ASB5: variants seen among roughly 807,000 people sequenced by gnomAD.
ASB5 encodes the protein ankyrin repeat and SOCS box containing 5, also known as ankyrin repeat and SOCS box protein 5.
ASB5 carries 45 observed loss-of-function variants against 42.1 expected under a neutral mutation model. That is an observed-to-expected ratio of 1.07 (90% CI 0.84 to 1.37). The LOEUF (loss-of-function observed/expected upper bound fraction) is 1.37. Ranked by LOEUF, ASB5 falls within the 40% of genes most tolerant of loss-of-function variation. The pLI, the probability that ASB5 is intolerant of heterozygous loss-of-function variation, is 0.00. For synonymous variants in ASB5, 147 were observed against 150.6 expected, an observed-to-expected ratio of 0.98 and a Z score of 0.18; for missense variants, 402 against 399.8, an observed-to-expected ratio of 1.01 and a Z score of -0.05.
In ASB5 at chr4:176,264,647, A is replaced by G. The variant is rs374902559; in HGVS notation, c.196+4266T>C. Among the ~76,000 whole-genome samples the G allele has an allele frequency of 3.3e-4, 51 of 152,270 alleles. 1 individual carries two copies. The highest frequency in any genetic ancestry group is 1.2e-3 in the African/African-American group (48 of 41,560). On this transcript the variant is annotated intron_variant, in intron 1 of 6. Transcript: ENST00000296525. Reference sequence around the variant, plus strand: ...GGTATGTAACCTACCAGACTCACCAAGCTCTAAGGGTCCACTTTCAAGGGG... The same window carrying G: ...GGTATGTAACCTACCAGACTCACCAGGCTCTAAGGGTCCACTTTCAAGGGG...
intron 1 of ASB5, among the ~76,000 whole-genome samples, chr4:176,263,836 T>C (rs1379389157): frequency 3.9e-5 from 6 of 152,130 alleles, no homozygotes; most frequent in Non-Finnish European, 8.8e-5. Context: ...ATTGCTAGCA[T>C]TGGCTGTAAA....
At chr4:176,249,947 C>T (rs1244839757) in intron 1 of ASB5, among the ~76,000 whole-genome samples, 2 of 151,636 alleles carry the variant, frequency 1.3e-5, no homozygotes, top group Non-Finnish European at 2.9e-5. Context: ...CGCCTGTAGT[C>T]CCAGCTACTC....
At position 176,216,976 on chromosome 4, in the gene ASB5, G is replaced by A. The variant is rs371144681; in HGVS notation, c.704C>T (p.Thr235Ile). ...TTGTTGAGCAGCAGCATGTAATGGAGTATCCCAATATTTGCCTTTCTGTAC... is the reference window on the plus strand; with the variant it reads ...TTGTTGAGCAGCAGCATGTAATGGAATATCCCAATATTTGCCTTTCTGTAC... Reference protein sequence around the residue: ...ADVQKGKYWDTPLHAAAQQSS... With the variant: ...ADVQKGKYWDIPLHAAAQQSS... Residue 235 changes from threonine to isoleucine, a missense_variant, in exon 6 of 7, where the codon ACT becomes ATT. Coordinates refer to ENST00000296525, the MANE Select transcript of ASB5 (RefSeq NM_080874.4). 2.5e-6 allele frequency: 4 copies of A among 1,611,864 alleles called. No individual in the cohort carries two copies. Among genetic ancestry groups the A allele is most frequent in the Non-Finnish European group, 3.4e-6 (4 of 1,179,348 alleles).
chr4:176,222,946 T>TA (rs946569669), intron 2 of ASB5, among the ~76,000 whole-genome samples: 1 of 150,494 alleles, frequency 6.6e-6, no homozygotes, highest in East Asian at 2.0e-4. Flanking sequence ...CCGGGCTAAT[T>TA]TTTTTGTATT....
rs1187214394 is a variant in ASB5 at position 176,259,896 on chromosome 4, T to TGG, written c.196+9015_196+9016dup. On this transcript the variant is annotated intron_variant, in intron 1 of 6. Coordinates refer to ENST00000296525, the MANE Select transcript of ASB5 (RefSeq NM_080874.4). ...TTTTACTCAGTGGGTACCGGTGGCA[T>TGG]GGAAATTTTAGCTGCCCTGATAGAG... Among the ~76,000 whole-genome samples, 11 of 152,322 alleles carry TGG rather than the reference T, an allele frequency of 7.2e-5. No homozygotes were observed. In the Middle Eastern group the frequency reaches 0.02, roughly 283 times the overall value.
intron 1 of ASB5, among the ~76,000 whole-genome samples, chr4:176,231,836 C>T (rs868603652): frequency 3.1e-3 from 165 of 52,948 alleles, no homozygotes; most frequent in African/African-American, 0.011. Context: ...CAGAGTGAGA[C>T]TCTGTCTCAA....
intron 1 of ASB5, among the ~76,000 whole-genome samples, chr4:176,243,079 C>A (rs1442622866): frequency 6.6e-6 from 1 of 152,132 alleles, no homozygotes; most frequent in Non-Finnish European, 1.5e-5. Context: ...ACTAGTCCCA[C>A]AAAGTTGACC....
chr4:176,245,150 G>A (rs992682886), intron 1 of ASB5, among the ~76,000 whole-genome samples: 3 of 152,270 alleles, frequency 2.0e-5, no homozygotes, highest in Admixed American at 2.0e-4. Flanking sequence ...CCCCCATATT[G>A]ACAAAGGGCT....
intron 2 of ASB5, among the ~76,000 whole-genome samples, chr4:176,223,030 G>C (rs35693487): frequency 0.9 from 136,580 of 151,888 alleles, 61,629 homozygotes; most frequent in Non-Finnish European, 0.94. Flanking sequence ...CACCCACCTT[G>C]GCCTCCCAAA....
intron 5 of ASB5, among the ~76,000 whole-genome samples, chr4:176,219,492 A>T (rs1380136903): frequency 4.2e-4 from 29 of 69,614 alleles, no homozygotes; most frequent in Non-Finnish European, 6.0e-4. Flanking sequence ...AAATATATAT[A>T]TTTGTATGAT....
intron 1 of ASB5, among the ~76,000 whole-genome samples, chr4:176,249,187 G>T (rs771053360): frequency 7.9e-5 from 12 of 152,122 alleles, no homozygotes; most frequent in Non-Finnish European, 1.5e-4. Context: ...GGCTGGTCTT[G>T]AACTTCTGAC....
At chr4:176,251,866 A>C (rs1754043672) in intron 1 of ASB5, among the ~76,000 whole-genome samples, 1 of 151,500 alleles carries the variant, frequency 6.6e-6, no homozygotes, top group African/African-American at 2.4e-5. Context: ...GTTCGAGACC[A>C]CCCTGGGCAA....
At chr4:176,261,437 C>T (rs1357134096) in intron 1 of ASB5, among the ~76,000 whole-genome samples, 24 of 152,138 alleles carry the variant, frequency 1.6e-4, no homozygotes, top group Admixed American at 1.6e-3. Context: ...ATATATGCTT[C>T]GAAATGTGTG....
chr4:176,243,804 T>C (rs1342345461), intron 1 of ASB5, among the ~76,000 whole-genome samples: 1 of 152,134 alleles, frequency 6.6e-6, no homozygotes, highest in East Asian at 1.9e-4. Context: ...ACGCAGGCAA[T>C]TTTTTCCCTT....
chr4:176,215,997 A>G (rs746930322), intron 6 of ASB5, among the ~76,000 whole-genome samples: 4 of 152,080 alleles, frequency 2.6e-5, no homozygotes, highest in Admixed American at 1.3e-4. Flanking sequence ...CTCAGAAACA[A>G]AGTCTGCTTT....
intron 1 of ASB5, among the ~76,000 whole-genome samples, chr4:176,257,845 A>T (rs1337805887): frequency 6.6e-6 from 1 of 152,188 alleles, no homozygotes; most frequent in East Asian, 1.9e-4. Flanking sequence ...ACCCGAAAAA[A>T]CTGACAACTT....
At chr4:176,260,338 C>T (rs1250156691) in intron 1 of ASB5, among the ~76,000 whole-genome samples, 1 of 152,150 alleles carries the variant, frequency 6.6e-6, no homozygotes, top group African/African-American at 2.4e-5. Context: ...ATCTATAAGA[C>T]AGATTTTTAA....
At chr4:176,270,425 C>T (rs1754447180), upstream of ASB5, among the ~76,000 whole-genome samples, 1 of 152,106 alleles carries the variant, frequency 6.6e-6, no homozygotes, top group Non-Finnish European at 1.5e-5. Context: ...ACTGACTGGA[C>T]AGATTTACCT....
chr4:176,223,835 G>C (rs1753293260), intron 2 of ASB5, among the ~76,000 whole-genome samples: 1 of 152,172 alleles, frequency 6.6e-6, no homozygotes, highest in Non-Finnish European at 1.5e-5. Flanking sequence ...GTGGATTAGA[G>C]ACACACACTG....
Sources: allele counts gnomAD v4.1 joint callset (sites outside exome capture counted in the v4.1 genomes callset), GRCh38; gene constraint gnomAD v4.1.1; transcripts MANE v1.5; gene names NCBI Gene and HGNC (gene_info 2026-07-23, HGNC 2026-07-21).